Variants in PREP observed in about 807,000 individuals in gnomAD.
The protein encoded by PREP is dJ355L5.1 (prolyl endopeptidase).
PREP carries 29 observed loss-of-function variants against 87.6 expected under a neutral mutation model. The observed-to-expected ratio is 0.33, with a 90% confidence interval of 0.25 to 0.45. The LOEUF is 0.45. Among genes scored for constraint, PREP ranks in the 20% least tolerant of loss-of-function variants. The pLI, the probability that PREP is intolerant of heterozygous loss-of-function variation, is 1.00. For missense variants in PREP, 695 were observed against 886.5 expected (o/e 0.78, Z 2.74); for synonymous variants, 337 against 328.6 (o/e 1.03, Z -0.28).
At chr6:105,343,352 C>T (rs1393967488) in intron 7 of PREP, among the ~76,000 whole-genome samples, 3 of 152,160 alleles carry the variant, frequency 2.0e-5, no homozygotes, top group African/African-American at 7.2e-5. Flanking sequence ...GGATCCCTTC[C>T]TTATACCTTA....
intron 1 of PREP, among the ~76,000 whole-genome samples, chr6:105,401,862 G>A (rs1056766168): frequency 6.6e-6 from 1 of 152,156 alleles, no homozygotes; most frequent in African/African-American, 2.4e-5. Flanking sequence ...CATAAATTGG[G>A]AAAGTAAACA....
intron 1 of PREP, 27 bp downstream of exon 1, chr6:105,402,820 C>T: frequency 6.5e-7 from 1 of 1,535,534 alleles, no homozygotes; most frequent in Non-Finnish European, 8.8e-7. Flanking sequence ...GCCCGGGAGC[C>T]CTCTGGGCGG....
At chr6:105,339,652 T>C (rs1182484975) in intron 7 of PREP, among the ~76,000 whole-genome samples, 1 of 152,090 alleles carries the variant, frequency 6.6e-6, no homozygotes, top group Non-Finnish European at 1.5e-5. Flanking sequence ...AAAGATTACA[T>C]GAAGGGCTAA....
chr6:105,349,898 TAAAA>T (rs1162063177), intron 7 of PREP, among the ~76,000 whole-genome samples: 2,864 of 59,428 alleles, frequency 0.048, 119 homozygotes, highest in African/African-American at 0.14. Context: ...GGGAAGCAGG[TAAAA>T]AAAAAAAAAA....
rs74857575 is a variant in PREP at position 105,395,427 on chromosome 6, C to T, written c.120+2426G>A. ...ATGGACAACATATTTAATCACTCAG[C>T]ACCTCAATTTCTTCATCTGTAAAAT... On this transcript the variant is annotated intron_variant, in intron 2 of 14. Coordinates refer to ENST00000652536, the MANE Select transcript of PREP (RefSeq NM_002726.5). 1.9e-3 allele frequency among the ~76,000 whole-genome samples: 286 copies of T among 152,310 alleles called. 3 individuals are homozygous for T. Among genetic ancestry groups the T allele is most frequent in the African/African-American group, 6.4e-3 (268 of 41,576 alleles).
intron 10 of PREP, among the ~76,000 whole-genome samples, chr6:105,311,734 A>G (rs2114635106): frequency 6.6e-6 from 1 of 152,330 alleles, no homozygotes; most frequent in African/African-American, 2.4e-5. Context: ...ATAAAAACAA[A>G]CTGACGGGAT....
chr6:105,359,123 G>T (rs770322220), intron 6 of PREP, among the ~76,000 whole-genome samples: 1 of 152,148 alleles, frequency 6.6e-6, no homozygotes, highest in Non-Finnish European at 1.5e-5. Context: ...CACAGCTGGG[G>T]TGTGTATTCC....
At chr6:105,330,783 T>A (rs1276671995) in intron 8 of PREP, among the ~76,000 whole-genome samples, 3 of 152,220 alleles carry the variant, frequency 2.0e-5, no homozygotes, top group Non-Finnish European at 4.4e-5. Flanking sequence ...AAGAGGGAAC[T>A]CTGAGGATCA....
chr6:105,279,456 G>GTTAATAATAACAATCTCCCC (rs1168552956), intron 14 of PREP, among the ~76,000 whole-genome samples: 2 of 152,172 alleles, frequency 1.3e-5, no homozygotes, highest in Non-Finnish European at 2.9e-5. Flanking sequence ...AACCCTGCCT[G>GTTAATAATAACAATCTCCCC]TTAATAATAA....
chr6:105,306,716 C>T (rs1250119806), intron 10 of PREP, among the ~76,000 whole-genome samples: 2 of 152,068 alleles, frequency 1.3e-5, no homozygotes, highest in African/African-American at 2.4e-5. Flanking sequence ...TTGGAGTTTT[C>T]GGCTGTGCCC....
chr6:105,315,564 A>G (rs887192064), intron 10 of PREP, among the ~76,000 whole-genome samples: 2 of 152,214 alleles, frequency 1.3e-5, no homozygotes, highest in African/African-American at 4.8e-5. Context: ...AGCCCCTAAT[A>G]GAATCAACCT....
intron 10 of PREP, among the ~76,000 whole-genome samples, chr6:105,313,075 G>T (rs918379363): frequency 2.0e-5 from 3 of 152,114 alleles, no homozygotes; most frequent in Non-Finnish European, 2.9e-5. Flanking sequence ...CAGCACAGAG[G>T]GTGAACAGAG....
rs573958029 is a variant in PREP at position 105,274,922 on chromosome 6, G to A, written c.*3222C>T. 1.7e-4 allele frequency among the ~76,000 whole-genome samples: 26 copies of A among 152,328 alleles called. No homozygotes were observed. Among genetic ancestry groups the A allele is most frequent in the African/African-American group, 5.5e-4 (23 of 41,578 alleles). On this transcript the variant is annotated 3_prime_UTR_variant, in exon 15 of 15. Transcript: ENST00000652536. Reference sequence around the variant, plus strand: ...GGACAAACATTCATCCACACAGAGTGCTTGCAGCGGGTGGCACAGGGTAAA... The same window carrying A: ...GGACAAACATTCATCCACACAGAGTACTTGCAGCGGGTGGCACAGGGTAAA...
At chr6:105,338,970 G>A (rs570356716) in intron 7 of PREP, among the ~76,000 whole-genome samples, 41 of 152,350 alleles carry the variant, frequency 2.7e-4, no homozygotes, top group African/African-American at 7.0e-4. Context: ...GGGCATAGCC[G>A]AACAGAAGGC....
At chr6:105,380,702 T>G (rs1487764450) in intron 2 of PREP, among the ~76,000 whole-genome samples, 1 of 152,146 alleles carries the variant, frequency 6.6e-6, no homozygotes, top group African/African-American at 2.4e-5. Flanking sequence ...GTCAGAGCCC[T>G]AAGAAGGATT....
chr6:105,367,997 T>C (rs1366743296), intron 6 of PREP, among the ~76,000 whole-genome samples: 1 of 152,114 alleles, frequency 6.6e-6, no homozygotes. Flanking sequence ...AAAAGGACAA[T>C]TTGGAATACG....
At position 105,274,355 on chromosome 6, in the gene PREP, C is replaced by T. The variant is rs893912090; in HGVS notation, c.*3789G>A. On this transcript the variant is annotated 3_prime_UTR_variant, in exon 15 of 15. Transcript: ENST00000652536. ...GCACCAGTCCCATTCATGAGGATTC[C>T]GCTCTCATGACCCATCGCCTCCTGA... Among the ~76,000 whole-genome samples the T allele has an allele frequency of 9.9e-5, 15 of 152,164 alleles. No individual in the cohort carries two copies. The highest frequency in any genetic ancestry group is 3.1e-4 in the African/African-American group (13 of 41,432).
intron 7 of PREP, among the ~76,000 whole-genome samples, chr6:105,351,207 G>C (rs1308915490): frequency 1.3e-5 from 2 of 152,196 alleles, no homozygotes; most frequent in Admixed American, 6.5e-5. Flanking sequence ...TTAATGAAGA[G>C]AGATTATCCT....
chr6:105,302,044 G>A (rs1490193868), intron 10 of PREP, among the ~76,000 whole-genome samples: 1 of 152,230 alleles, frequency 6.6e-6, no homozygotes. Flanking sequence ...GACACACAGG[G>A]CTAGGATGAA....
Sources: gnomAD v4.1 joint callset for allele counts (sites outside exome capture counted in the v4.1 genomes callset) on GRCh38, gnomAD v4.1.1 for gene constraint, MANE v1.5 for transcripts, NCBI Gene and HGNC (gene_info 2026-07-23, HGNC 2026-07-21) for gene names.